Variants in EYA3 observed in about 807,000 individuals in gnomAD.
EYA3 encodes the protein EYA transcriptional coactivator and phosphatase 3.
EYA3 carries 39 observed loss-of-function variants against 80.0 expected under a neutral mutation model. The ratio of observed to expected loss-of-function variants is 0.49; its 90% CI spans 0.38 to 0.64. EYA3 has a LOEUF of 0.64. Ranked by LOEUF, EYA3 falls within the 30% of genes least tolerant of loss-of-function variation. The pLI is 0.00. For missense variants in EYA3, 523 were observed against 676.1 expected (o/e 0.77, Z 2.51); for synonymous variants, 206 against 232.8 (o/e 0.88, Z 1.05).
chr1:28,036,038 C>T (rs891983925), intron 5 of EYA3, among the ~76,000 whole-genome samples: 4 of 152,176 alleles, frequency 2.6e-5, no homozygotes, highest in Non-Finnish European at 5.9e-5. Flanking sequence ...TGGCCTCGAA[C>T]TCCCGACCTC....
chr1:28,055,988 T>A (rs887461054), intron 2 of EYA3, among the ~76,000 whole-genome samples: 1 of 150,130 alleles, frequency 6.7e-6, no homozygotes, highest in Non-Finnish European at 1.5e-5. Flanking sequence ...CTACAGCCTG[T>A]GAAAAGCTTT....
chr1:27,991,696 G>C lies in EYA3; in HGVS notation c.1303+1704C>G, dbSNP rs72656572. Among the ~76,000 whole-genome samples the C allele has an allele frequency of 7.0e-3, 1,065 of 152,234 alleles. 6 individuals are homozygous for C. Among genetic ancestry groups the C allele is most frequent in the Non-Finnish European group, 0.011 (745 of 68,018 alleles). On this transcript the variant is annotated intron_variant, in intron 14 of 17. Transcript: ENST00000373871. Reference sequence around the variant, plus strand: ...ATAAAACAAAACGACAACAAAACCAGTACCTATATATGATATACTCAACTA... The same window carrying C: ...ATAAAACAAAACGACAACAAAACCACTACCTATATATGATATACTCAACTA...
In EYA3 at chr1:27,972,604, G is replaced by A. The variant is rs1161299540; in HGVS notation, c.*1862C>T. ...CTGGTGACAAGCAATTATAGCTGGGGTTGGTCAACAATGCCTCCTTCTGCG... is the reference window on the plus strand; with the variant it reads ...CTGGTGACAAGCAATTATAGCTGGGATTGGTCAACAATGCCTCCTTCTGCG... On this transcript the variant is annotated 3_prime_UTR_variant, in exon 18 of 18. Transcript: ENST00000373871. The A allele has an allele frequency of 6.6e-6, 1 of 152,228 alleles. No individual in the cohort carries two copies. The highest frequency in any genetic ancestry group is 1.5e-5 in the Non-Finnish European group (1 of 68,050). The allele number at this position is 152,228 out of a possible 1,614,324, so 9.4% of individuals were successfully genotyped here. A position where few individuals can be genotyped will look rare whatever the true frequency, so the allele number is the denominator to read the frequency against.
At chr1:27,998,268 G>A (rs922907509) in intron 12 of EYA3, 3 of 977,466 alleles carry the variant, frequency 3.1e-6, no homozygotes, top group Non-Finnish European at 3.6e-6. Flanking sequence ...GCCCCCTAAA[G>A]TTGAGAAGCA....
intron 5 of EYA3, among the ~76,000 whole-genome samples, chr1:28,038,441 A>AG (rs1643579117): frequency 8.0e-6 from 1 of 124,376 alleles, no homozygotes; most frequent in African/African-American, 3.5e-5. Flanking sequence ...TTCTATCTTA[A>AG]AAAAAAAAAA....
chr1:28,031,174 C>T (rs79904689), intron 6 of EYA3, among the ~76,000 whole-genome samples: 6,990 of 152,172 alleles, frequency 0.046, 230 homozygotes, highest in Non-Finnish European at 0.07. Context: ...AAGTAGATGT[C>T]TAATATATAA....
intron 7 of EYA3, among the ~76,000 whole-genome samples, chr1:28,023,964 C>T (rs1172015884): frequency 4.6e-5 from 7 of 152,176 alleles, no homozygotes; most frequent in African/African-American, 1.4e-4. Flanking sequence ...CTAGGCCAGG[C>T]GCGGTGGCTC....
chr1:28,026,568 T>C (rs1642799562), intron 7 of EYA3, among the ~76,000 whole-genome samples: 1 of 152,054 alleles, frequency 6.6e-6, no homozygotes, highest in South Asian at 2.1e-4. Flanking sequence ...CAGTGAGCCA[T>C]GATCGCGCCA....
At chr1:28,079,094 AAGTATG>A (rs915038840) in intron 1 of EYA3, among the ~76,000 whole-genome samples, 3 of 152,216 alleles carry the variant, frequency 2.0e-5, no homozygotes, top group East Asian at 1.9e-4. Context: ...CAGGCCTCCC[AAGTATG>A]AGTATGAGTT....
At chr1:27,979,836 A>G (rs938668251) in intron 16 of EYA3, among the ~76,000 whole-genome samples, 3 of 152,230 alleles carry the variant, frequency 2.0e-5, no homozygotes, top group Admixed American at 6.5e-5. Context: ...ACTGTAATAT[A>G]TAAATATACA....
chr1:28,047,488 G>A (rs1422251881), intron 3 of EYA3, among the ~76,000 whole-genome samples: 1 of 151,908 alleles, frequency 6.6e-6, no homozygotes, highest in Non-Finnish European at 1.5e-5. Context: ...AGGTAAAAGT[G>A]TAGGATTCTT....
Position 28,013,316 on chromosome 1 carries a change from AAAAC to A in EYA3, c.586-26_586-23del. On this transcript the variant is annotated intron_variant, in intron 8 of 17. Coordinates refer to ENST00000373871, the MANE Select transcript of EYA3 (RefSeq NM_001990.4). This position sits in a 1 kb window ranked among gnomAD's most constrained non-coding sequence, Gnocchi z 4.0. ...AATCCTGCAGGCCAAAGGAAATAAG[AAAAC>A]AAGACTCTTATAGCATACATTAATC... 1.3e-6 allele frequency: 2 copies of A among 1,584,274 alleles called. No homozygotes were observed. The highest frequency in any genetic ancestry group is 1.8e-5 in the Admixed American group (1 of 55,084).
chr1:28,002,737 AAGAG>A (rs1640958931), intron 11 of EYA3, among the ~76,000 whole-genome samples: 1 of 152,040 alleles, frequency 6.6e-6, no homozygotes, highest in Non-Finnish European at 1.5e-5. Context: ...GCTTTAGCTC[AAGAG>A]ATCGAAGCTG....
chr1:28,004,292 A>G, intron 11 of EYA3, 44 bp downstream of exon 11: 2 of 1,370,808 alleles, frequency 1.5e-6, no homozygotes, highest in South Asian at 2.4e-5. Context: ...GACTGACTAT[A>G]TAGTCAGAAG....
intron 16 of EYA3, among the ~76,000 whole-genome samples, chr1:27,982,721 G>C (rs1400515174): frequency 6.6e-6 from 1 of 151,992 alleles, no homozygotes; most frequent in African/African-American, 2.4e-5. Flanking sequence ...GAGGAGCTGG[G>C]ATTACAGGCG....
chr1:28,052,347 A>G (rs1644281345), intron 2 of EYA3, among the ~76,000 whole-genome samples: 1 of 152,204 alleles, frequency 6.6e-6, no homozygotes, highest in Non-Finnish European at 1.5e-5. Context: ...AGAGTAATCA[A>G]GACCGTGTGG....
At chr1:28,082,982 A>T (rs1416615051) in intron 1 of EYA3, among the ~76,000 whole-genome samples, 1 of 152,226 alleles carries the variant, frequency 6.6e-6, no homozygotes, top group Non-Finnish European at 1.5e-5. Flanking sequence ...AAGGCCAAGT[A>T]AAACCCTCCT....
intron 1 of EYA3, among the ~76,000 whole-genome samples, chr1:28,059,590 A>G (rs372182081): frequency 6.6e-5 from 10 of 152,172 alleles, no homozygotes; most frequent in African/African-American, 2.4e-4. Flanking sequence ...TTTAAGGGAC[A>G]ATCCTTTTCA....
At chr1:28,049,633 G>A (rs958259646) in intron 2 of EYA3, among the ~76,000 whole-genome samples, 3 of 152,100 alleles carry the variant, frequency 2.0e-5, no homozygotes, top group Non-Finnish European at 2.9e-5. Flanking sequence ...ATAGTATGCA[G>A]ACTGTGACAA....
Sources: allele counts gnomAD v4.1 joint callset (sites outside exome capture counted in the v4.1 genomes callset), GRCh38; gene constraint gnomAD v4.1.1; non-coding constraint Gnocchi (gnomAD v3.1); transcripts MANE v1.5; gene names NCBI Gene and HGNC (gene_info 2026-07-23, HGNC 2026-07-21).